Variants in FTCDNL1 observed in about 807,000 individuals in gnomAD.
The protein encoded by FTCDNL1 is formiminotransferase cyclodeaminase N-terminal like.
In FTCDNL1, 11 loss-of-function variants were observed where a neutral mutation model predicts 5.9. The observed-to-expected ratio is 1.87, with a 90% CI of 1.18 to 3.10. The LOEUF (loss-of-function observed/expected upper bound fraction) is 3.10. FTCDNL1 is among the 30% of genes most tolerant of loss of function. FTCDNL1 has a pLI of 0.00. For missense variants in FTCDNL1, 115 were observed against 65.5 expected (o/e 1.76, Z -2.61); for synonymous variants, 58 against 24.8 (o/e 2.34, Z -3.99).
chr2:199,804,433 T>C (rs1700620058), downstream of FTCDNL1, among the ~76,000 whole-genome samples: 1 of 152,188 alleles, frequency 6.6e-6, no homozygotes, highest in Non-Finnish European at 1.5e-5. Context: ...CTTATTTAAA[T>C]TATATAATTA....
At chr2:199,777,405 A>C (rs1450382851) in intron 3 of FTCDNL1, among the ~76,000 whole-genome samples, 3 of 152,194 alleles carry the variant, frequency 2.0e-5, no homozygotes, top group Non-Finnish European at 4.4e-5. Context: ...CCCAGTGAAG[A>C]GTTGATGCTG....
At chr2:199,801,937 C>CAA (rs543444146) in intron 3 of FTCDNL1, among the ~76,000 whole-genome samples, 2,954 of 112,006 alleles carry the variant, frequency 0.026, 97 homozygotes, top group African/African-American at 0.086. Flanking sequence ...GACTCCATCT[C>CAA]AAAAAAAAAA....
chr2:199,752,303 A>T, the FTCDNL1 span, among the ~76,000 whole-genome samples: 1 of 152,196 alleles, frequency 6.6e-6, no homozygotes, highest in Admixed American at 6.5e-5. Flanking sequence ...TCAAAAGAAC[A>T]TTGAAACTTT....
At chr2:199,749,184 T>C in the FTCDNL1 span, among the ~76,000 whole-genome samples, 5 of 152,326 alleles carry the variant, frequency 3.3e-5, no homozygotes, top group South Asian at 1.0e-3. Context: ...GGCACATACC[T>C]GGCCCTTCTC....
chr2:199,675,391 C>T, the FTCDNL1 span, among the ~76,000 whole-genome samples: 4 of 151,858 alleles, frequency 2.6e-5, no homozygotes, highest in African/African-American at 9.7e-5. Flanking sequence ...ATGCAATATT[C>T]AATATGCTGT....
chr2:199,849,331 T>C (rs774967459), intron 1 of FTCDNL1, among the ~76,000 whole-genome samples: 1 of 152,230 alleles, frequency 6.6e-6, no homozygotes, highest in Non-Finnish European at 1.5e-5. Flanking sequence ...CAAACAGGTA[T>C]GTTTTTTTTG....
At position 199,829,899 on chromosome 2, in the gene FTCDNL1, C is replaced by A. The variant is rs78592671; in HGVS notation, c.212-10142G>T. 4.9e-3 allele frequency among the ~76,000 whole-genome samples: 744 copies of A among 152,222 alleles called. 9 individuals carry two copies. The highest frequency in any genetic ancestry group is 0.017 in the Middle Eastern group (5 of 294). ...AAAAGTTAAATTCTCTTTTCTGTGA[C>A]CTACTGCATAAATGCATGGTTCATT... is the stretch of plus-strand genomic sequence containing the variant. On this transcript the variant is annotated intron_variant, in intron 3 of 4. Coordinates refer to ENST00000420128, the MANE Select transcript of FTCDNL1 (RefSeq NM_001363886.2).
chr2:199,785,273 A>T (rs1386018314), intron 3 of FTCDNL1, among the ~76,000 whole-genome samples: 1 of 368 alleles, frequency 2.7e-3, no homozygotes, highest in African/African-American at 0.015. Context: ...TTTGAGACAG[A>T]ATCTCACTCT....
the FTCDNL1 span, among the ~76,000 whole-genome samples, chr2:199,723,336 C>T: frequency 1.3e-5 from 2 of 152,110 alleles, no homozygotes; most frequent in African/African-American, 4.8e-5. Flanking sequence ...CAAACAGAGA[C>T]AATTTGACAT....
chr2:199,724,373 T>C, the FTCDNL1 span, among the ~76,000 whole-genome samples: 2 of 152,114 alleles, frequency 1.3e-5, no homozygotes, highest in African/African-American at 2.4e-5. Flanking sequence ...GTTTTTCATG[T>C]CTATCTCCTT....
intron 3 of FTCDNL1, among the ~76,000 whole-genome samples, chr2:199,832,446 C>A (rs769913027): frequency 6.6e-6 from 1 of 152,150 alleles, no homozygotes; most frequent in Non-Finnish European, 1.5e-5. Flanking sequence ...TGGATGTTCA[C>A]AAACACGTCT....
chr2:199,724,351 G>T, the FTCDNL1 span, among the ~76,000 whole-genome samples: 1 of 151,804 alleles, frequency 6.6e-6, no homozygotes, highest in East Asian at 1.9e-4. Flanking sequence ...TGGATTCATT[G>T]ATTTTTTAAG....
chr2:199,812,689 T>A lies in FTCDNL1; in HGVS notation c.*16A>T. On this transcript the variant is annotated 3_prime_UTR_variant, in exon 5 of 5. Transcript: ENST00000420128. ...CACTGCAAGGCTGAAATTCCAATTT[T>A]CTTCCAACACAACTGTCACAACGCC... 1 of 698,302 alleles carries A rather than the reference T, an allele frequency of 1.4e-6. No individual in the cohort carries two copies. Among genetic ancestry groups the A allele is most frequent in the Non-Finnish European group, 2.6e-6 (1 of 383,336 alleles). The allele number at this position is 698,302 out of a possible 1,614,324, so 43.3% of individuals were successfully genotyped here.
the FTCDNL1 span, among the ~76,000 whole-genome samples, chr2:199,713,320 T>C: frequency 6.6e-6 from 1 of 152,180 alleles, no homozygotes; most frequent in Admixed American, 6.6e-5. Flanking sequence ...AAACATTTTT[T>C]TTTGAAGACA....
At chr2:199,800,143 C>T (rs1700371638) in intron 3 of FTCDNL1, among the ~76,000 whole-genome samples, 1 of 152,090 alleles carries the variant, frequency 6.6e-6, no homozygotes, top group Non-Finnish European at 1.5e-5. Context: ...CCCTGGTGAT[C>T]TTAGGAGACT....
At chr2:199,745,770 T>A in the FTCDNL1 span, among the ~76,000 whole-genome samples, 1 of 152,188 alleles carries the variant, frequency 6.6e-6, no homozygotes, top group Non-Finnish European at 1.5e-5. Context: ...GCAACCAGGG[T>A]CGTGACAGTG....
the FTCDNL1 span, among the ~76,000 whole-genome samples, chr2:199,685,151 GA>G: frequency 1.3e-5 from 2 of 152,072 alleles, no homozygotes; most frequent in African/African-American, 4.8e-5. Flanking sequence ...CCTGAACATA[GA>G]AAACCTTTTA....
At chr2:199,815,126 A>G (rs1412977718) in intron 4 of FTCDNL1, among the ~76,000 whole-genome samples, 2 of 152,232 alleles carry the variant, frequency 1.3e-5, no homozygotes, top group African/African-American at 4.8e-5. Flanking sequence ...TTTTAAATAT[A>G]TATGTATAAA....
chr2:199,776,897 A>C (rs1386645706), intron 3 of FTCDNL1, among the ~76,000 whole-genome samples: 1 of 150,240 alleles, frequency 6.7e-6, no homozygotes, highest in Non-Finnish European at 1.5e-5. Flanking sequence ...ACACATATAC[A>C]TGTGTAATAT....
Sources: gnomAD v4.1 joint callset for allele counts (sites outside exome capture counted in the v4.1 genomes callset) on GRCh38, gnomAD v4.1.1 for gene constraint, MANE v1.5 for transcripts, NCBI Gene and HGNC (gene_info 2026-07-23, HGNC 2026-07-21) for gene names.